The following ZNF862 variants were observed in gnomAD, a reference collection of about 807,000 sequenced individuals.
ZNF862 encodes the protein zinc finger protein 862.
ZNF862 carries 64 observed loss-of-function variants against 91.1 expected under a neutral mutation model. The ratio of observed to expected loss-of-function variants is 0.70; its 90% CI spans 0.57 to 0.87. ZNF862 has a LOEUF of 0.87. ZNF862 is among the 40% of genes least tolerant of loss of function. The probability of loss-of-function intolerance (pLI) is 0.00; values close to 1 mark genes in which losing one functional copy is unlikely to be tolerated. For missense variants in ZNF862, 1,459 were observed against 1,528.0 expected (o/e 0.95, Z 0.75); for synonymous variants, 631 against 618.1 (o/e 1.02, Z -0.31).
At chr7:149,846,125 G>T in intron 2 of ZNF862, 26 bp from the exon 3 acceptor site, 3 of 1,511,216 alleles carry the variant, frequency 2.0e-6, no homozygotes, top group South Asian at 2.3e-5. Flanking sequence ...TCTCTCTCTC[G>T]CTCTCTTTTT....
At position 149,866,934 on chromosome 7, in the gene ZNF862, T is replaced by G. The variant is rs1802751595; in HGVS notation, c.*2650T>G. 1.3e-5 allele frequency: 2 copies of G among 152,094 alleles called. No individual in the cohort carries two copies. Among genetic ancestry groups the G allele is most frequent in the Admixed American group, 1.3e-4 (2 of 15,258 alleles). 9.4% of individuals were successfully genotyped at this position (152,094 alleles called of 1,614,324 possible). ...TGGAGACCCCCTTGTTGGAGAGGCT[T>G]CCTGTTTATGCCTCACAAGAAGAAA... On this transcript the variant is annotated 3_prime_UTR_variant, in exon 8 of 8. Coordinates refer to ENST00000223210, the MANE Select transcript of ZNF862 (RefSeq NM_001099220.3).
At chr7:149,844,878 C>T (rs1226909623) in intron 2 of ZNF862, 142 bp downstream of exon 2, 9 of 617,190 alleles carry the variant, frequency 1.5e-5, no homozygotes, top group East Asian at 1.4e-4. Context: ...TGCTCGATCC[C>T]GTATCTACCT....
intron 1 of ZNF862, among the ~76,000 whole-genome samples, chr7:149,839,081 C>T (rs1801619279): frequency 6.6e-6 from 1 of 152,250 alleles, no homozygotes. Flanking sequence ...GGGCATCTGG[C>T]ATGCTTTTTG....
At chr7:149,846,865 C>T (rs1367765831) in intron 3 of ZNF862, among the ~76,000 whole-genome samples, 6 of 152,206 alleles carry the variant, frequency 3.9e-5, no homozygotes, top group African/African-American at 1.2e-4. Flanking sequence ...CTTTGTGACT[C>T]TGGAAAGTAT....
rs769847259 is a variant in ZNF862 at position 149,848,297 on chromosome 7, T to TG, written c.811dup (p.Asp271GlyfsTer22). 34 of 1,608,446 alleles carry TG rather than the reference T, an allele frequency of 2.1e-5. No homozygotes were observed. The highest frequency in any genetic ancestry group is 1.1e-4 in the East Asian group (5 of 44,768). Reference sequence around the variant, plus strand: ...GTTCAAGAGCTGAACTAGAGGACCCTGGGGGGGATGGAGCAATTCCTGCAA... The same window carrying TG: ...GTTCAAGAGCTGAACTAGAGGACCCTGGGGGGGGATGGAGCAATTCCTGCAA... On this transcript the variant is annotated frameshift_variant, in exon 4 of 8. Transcript: ENST00000223210. LOFTEE classifies it high-confidence loss of function.
chr7:149,864,081 T>A, intron 7 of ZNF862, 28 bp from the exon 8 acceptor site: 2 of 1,551,992 alleles, frequency 1.3e-6, no homozygotes, highest in African/African-American at 1.4e-5. Flanking sequence ...TCAGTCAGTC[T>A]AATTGTATTC....
intron 1 of ZNF862, chr7:149,841,387 C>T (rs745939675): frequency 9.1e-6 from 9 of 985,368 alleles, no homozygotes; most frequent in Middle Eastern, 5.2e-4. Flanking sequence ...GGATAAGGGT[C>T]AGACTTTTCC....
Position 149,839,673 on chromosome 7 carries a change from AAG to A in ZNF862, c.24+1041_24+1042del, listed in dbSNP as rs142287609. Among the ~76,000 whole-genome samples the A allele has an allele frequency of 6.0e-3, 917 of 152,290 alleles. 10 individuals are homozygous for A. Among genetic ancestry groups the A allele is most frequent in the African/African-American group, 0.021 (861 of 41,552 alleles). On this transcript the variant is annotated intron_variant, in intron 1 of 7. Transcript: ENST00000223210. ...GACTAGGAAGGACTCTGAATTTCAA[AAG>A]AGGTGATTTCTCGCATGAGCATCTC...
At chr7:149,841,762 C>T in intron 1 of ZNF862, 1 of 985,176 alleles carries the variant, frequency 1.0e-6, no homozygotes, top group Non-Finnish European at 1.2e-6. Flanking sequence ...CTCTATCTTT[C>T]CTGTACAAGT....
intron 1 of ZNF862, among the ~76,000 whole-genome samples, chr7:149,842,418 G>A (rs186798213): frequency 1.2e-4 from 19 of 152,332 alleles, no homozygotes; most frequent in African/African-American, 3.4e-4. Context: ...AACATCGAGA[G>A]AGATTCTTTG....
chr7:149,841,439 A>G (rs540705331), intron 1 of ZNF862: 1 of 982,332 alleles, frequency 1.0e-6, no homozygotes, highest in African/African-American at 1.7e-5. Context: ...TTTTCTTCCT[A>G]ACCCTTATCA....
intron 4 of ZNF862, 90 bp downstream of exon 4, chr7:149,848,522 T>C: frequency 9.3e-7 from 1 of 1,080,176 alleles, no homozygotes; most frequent in East Asian, 2.6e-5. Flanking sequence ...GAAAAAAGAA[T>C]ACTAGTGATA....
rs772570126 is a variant in ZNF862, at chr7:149,860,366, T to G, written c.1223-17T>G. The stretch of plus-strand genomic sequence containing the variant: ...TTCTGGGTAGCAGAACCAAGCATGA[T>G]TCAATTTTCTCCAAAGGGAACAAGA... On this transcript the variant is annotated splice_polypyrimidine_tract_variant and intron_variant, in intron 6 of 7. Coordinates refer to ENST00000223210, the MANE Select transcript of ZNF862 (RefSeq NM_001099220.3). 1.3e-5 allele frequency: 21 copies of G among 1,594,188 alleles called. No individual in the cohort carries two copies. The highest frequency in any genetic ancestry group is 1.8e-5 in the Non-Finnish European group (21 of 1,169,894).
chr7:149,860,278 C>A, intron 6 of ZNF862, 105 bp from the exon 7 acceptor site: 1 of 999,758 alleles, frequency 1.0e-6, no homozygotes, highest in East Asian at 2.6e-5. Flanking sequence ...TTCATCTTCT[C>A]TGCCTTGCTT....
rs149797465 is a variant in ZNF862 at position 149,844,751 on chromosome 7, C to T, written c.136+15C>T. On this transcript the variant is annotated intron_variant, in intron 2 of 7. Transcript: ENST00000223210. ...GGCACCACTGGGTATGGGTGCCCAT[C>T]CACATCCCTGCCACTGTCAATTTAG... 1.3e-3 allele frequency: 1,885 copies of T among 1,496,800 alleles called. 2 individuals are homozygous for T. Among genetic ancestry groups the T allele is most frequent in the Middle Eastern group, 1.4e-3 (8 of 5,864 alleles). The allele number at this position is 1,496,800 out of a possible 1,614,324, so 92.7% of individuals were successfully genotyped here.
intron 5 of ZNF862, among the ~76,000 whole-genome samples, chr7:149,853,433 C>T (rs1234651162): frequency 6.6e-6 from 1 of 152,206 alleles, no homozygotes; most frequent in African/African-American, 2.4e-5. Flanking sequence ...GAAAATTCCC[C>T]TCCATTTCAT....
At chr7:149,848,479 T>A (rs1801956775) in intron 4 of ZNF862, 47 bp downstream of exon 4, 5 of 1,384,888 alleles carry the variant, frequency 3.6e-6, no homozygotes, top group Non-Finnish European at 3.8e-6. Flanking sequence ...AAGGATTCTA[T>A]ACTGAGAACG....
Position 149,861,877 on chromosome 7 carries a change from G to C in ZNF862, c.2717G>C (p.Cys906Ser). ...AAGGATGGGCGGCTCCACGGCATCT[G>C]CTTGGACAAACTGGAGGTAGCGGAA... Reference protein sequence around the residue: ...SFKDGRLHGICLDKLEVAEQR... With the variant: ...SFKDGRLHGISLDKLEVAEQR... The change falls in exon 7 of 8, where the codon TGC becomes TCC. Residue 906 changes from cysteine (C) to serine (S), a missense_variant. Cys to Ser is a moderately radical substitution (Grantham distance 112). Transcript: ENST00000223210. This position sits in a 1 kb window ranked among gnomAD's most constrained non-coding sequence, Gnocchi z 6.7. The C allele has an allele frequency of 6.2e-7, 1 of 1,613,724 alleles. No individual in the cohort carries two copies. The highest frequency in any genetic ancestry group is 8.5e-7 in the Non-Finnish European group (1 of 1,179,890).
rs751955114 is a variant in ZNF862, at chr7:149,860,409, G to A, written c.1249G>A (p.Glu417Lys). ...PGNKKMVAVR[E>K]ADTQASAADS... is the part of the protein sequence containing the mutation. ...GAACAAGAAGATGGTGGCAGTGAGA[G>A]AGGCAGACACACAGGCCTCGGCTGC... The change falls in exon 7 of 8, where the codon GAG becomes AAG. Residue 417 changes from glutamate to lysine, a missense_variant. By Grantham distance (56) the Glu-to-Lys change is moderately conservative. Transcript: ENST00000223210. 2.5e-6 allele frequency: 4 copies of A among 1,611,918 alleles called. No individual in the cohort carries two copies. Among genetic ancestry groups the A allele is most frequent in the Admixed American group, 1.7e-5 (1 of 59,642 alleles).
Sources: allele counts gnomAD v4.1 joint callset (sites outside exome capture counted in the v4.1 genomes callset), GRCh38; gene constraint gnomAD v4.1.1; non-coding constraint Gnocchi (gnomAD v3.1); transcripts MANE v1.5; gene names NCBI Gene and HGNC (gene_info 2026-07-23, HGNC 2026-07-21).